Variants in ZNF469 observed in about 807,000 individuals in gnomAD.
The protein encoded by ZNF469 is zinc finger protein 469.
Under a neutral mutation model 1.0 loss-of-function variants are expected in ZNF469, and 1 was observed. The observed-to-expected ratio is 1.00, with a 90% CI of 0.35 to 4.73. The LOEUF (loss-of-function observed/expected upper bound fraction) is 4.73. Ranked by LOEUF, ZNF469 falls within the 30% of genes most tolerant of loss-of-function variation. ZNF469 has a pLI of 0.16. For synonymous variants in ZNF469, 2,703 were observed against 2,363.4 expected (o/e 1.14, Z -4.17); for missense variants, 6,100 against 5,356.3 (o/e 1.14, Z -4.33).
chr16:88,127,582 C>G, the ZNF469 span, among the ~76,000 whole-genome samples: 2 of 152,042 alleles, frequency 1.3e-5, no homozygotes, highest in African/African-American at 4.8e-5. Context: ...TCAGATACGG[C>G]GAAACCATTT....
At chr16:88,176,969 G>C in the ZNF469 span, among the ~76,000 whole-genome samples, 1 of 152,264 alleles carries the variant, frequency 6.6e-6, no homozygotes. Context: ...GTGACCCGTG[G>C]CAGGGAAGCC....
At chr16:88,170,295 G>A in the ZNF469 span, among the ~76,000 whole-genome samples, 2 of 152,160 alleles carry the variant, frequency 1.3e-5, no homozygotes, top group African/African-American at 2.4e-5. This position sits in a 1 kb window ranked among gnomAD's most constrained non-coding sequence, Gnocchi z 4.2. Context: ...TGTGTGTGAT[G>A]AGAATGCTTA....
the ZNF469 span, among the ~76,000 whole-genome samples, chr16:88,351,939 C>T: frequency 1.3e-5 from 2 of 152,168 alleles, no homozygotes; most frequent in Non-Finnish European, 2.9e-5. Flanking sequence ...ACGACGTGTC[C>T]CACGTGAGGA....
At chr16:88,223,403 C>G in the ZNF469 span, among the ~76,000 whole-genome samples, 1 of 152,170 alleles carries the variant, frequency 6.6e-6, no homozygotes, top group African/African-American at 2.4e-5. Context: ...ACCTCTTTTT[C>G]TTTATAAATG....
chr16:88,211,009 G>A, the ZNF469 span, among the ~76,000 whole-genome samples: 3 of 152,246 alleles, frequency 2.0e-5, no homozygotes, highest in Admixed American at 1.3e-4. Flanking sequence ...CGATGCCTTC[G>A]GCCGTTGAGT....
the ZNF469 span, among the ~76,000 whole-genome samples, chr16:88,210,828 G>A: frequency 2.6e-5 from 4 of 152,222 alleles, no homozygotes; most frequent in South Asian, 2.1e-4. Flanking sequence ...GCTTTTTAGT[G>A]TGTTTTAATG....
chr16:88,115,847 C>T, the ZNF469 span, among the ~76,000 whole-genome samples: 1 of 152,186 alleles, frequency 6.6e-6, no homozygotes, highest in Non-Finnish European at 1.5e-5. Flanking sequence ...CCTGGGCACT[C>T]CAGGTATTCC....
chr16:88,418,663 A>G (rs1810256642), intron 1 of ZNF469, among the ~76,000 whole-genome samples: 1 of 151,798 alleles, frequency 6.6e-6, no homozygotes, highest in Non-Finnish European at 1.5e-5. Flanking sequence ...CAGGACGAAC[A>G]CCATTCCCCA....
intron 1 of ZNF469, among the ~76,000 whole-genome samples, chr16:88,402,764 AG>A (rs1567502030): frequency 6.6e-6 from 1 of 152,038 alleles, no homozygotes; most frequent in African/African-American, 2.4e-5. Context: ...CTCCGGTTCC[AG>A]GGCCTCTGAT....
intron 1 of ZNF469, among the ~76,000 whole-genome samples, chr16:88,392,163 A>G (rs1363091679): frequency 6.6e-6 from 1 of 152,286 alleles, no homozygotes; most frequent in Non-Finnish European, 1.5e-5. Flanking sequence ...TGATTGATAC[A>G]AACGTCAGTG....
upstream of ZNF469, among the ~76,000 whole-genome samples, chr16:88,382,188 C>T (rs2092527024): frequency 6.6e-6 from 1 of 152,262 alleles, no homozygotes; most frequent in Admixed American, 6.5e-5. Flanking sequence ...GCCCACACGC[C>T]CCTGTCTGGG....
At position 88,429,426 on chromosome 16, in the gene ZNF469, GC is replaced by G; in HGVS notation, c.1963del (p.His655ThrfsTer77). The G allele has an allele frequency of 6.5e-7, 1 of 1,532,840 alleles. No homozygotes were observed. The highest frequency in any genetic ancestry group is 8.8e-7 in the Non-Finnish European group (1 of 1,132,990). 95.0% of individuals were successfully genotyped at this position (1,532,840 alleles called of 1,614,324 possible). ...CGGGCAGCCCCTTCCCGTCCCCGGA[GC>G]CCCCCCACTCCCTCCCCACCCACTA... ...ETGSPFPSPE[P>X]PHSLPTHYQP... On this transcript the variant is annotated frameshift_variant, in exon 3 of 3. Transcript: ENST00000565624. LOFTEE classifies it low-confidence loss of function (END_TRUNC).
chr16:88,119,128 T>G, the ZNF469 span, among the ~76,000 whole-genome samples: 76 of 152,334 alleles, frequency 5.0e-4, no homozygotes, highest in African/African-American at 1.8e-3. Context: ...AAATAACGTT[T>G]GTCCAGTCCT....
chr16:88,223,896 G>C, the ZNF469 span, among the ~76,000 whole-genome samples: 1 of 152,176 alleles, frequency 6.6e-6, no homozygotes, highest in Non-Finnish European at 1.5e-5. Flanking sequence ...CTCATCTCAC[G>C]CTCAGCACCG....
the ZNF469 span, among the ~76,000 whole-genome samples, chr16:88,160,832 G>A: frequency 2.6e-5 from 4 of 152,204 alleles, no homozygotes; most frequent in South Asian, 2.1e-4. Context: ...GGAACAGTGA[G>A]CAGCACAGGA....
At chr16:88,151,286 C>T in the ZNF469 span, among the ~76,000 whole-genome samples, 6 of 152,238 alleles carry the variant, frequency 3.9e-5, no homozygotes, top group African/African-American at 1.4e-4. This position sits in a 1 kb window ranked among gnomAD's most constrained non-coding sequence, Gnocchi z 5.4. Context: ...ATCACACGGG[C>T]GCGGGCCGTG....
chr16:88,342,969 G>A, the ZNF469 span, among the ~76,000 whole-genome samples: 1 of 152,236 alleles, frequency 6.6e-6, no homozygotes, highest in Admixed American at 6.5e-5. Context: ...GTCCTTCATG[G>A]CCACTGGATG....
chr16:88,315,520 C>A, the ZNF469 span, among the ~76,000 whole-genome samples: 1 of 152,194 alleles, frequency 6.6e-6, no homozygotes, highest in Non-Finnish European at 1.5e-5. Context: ...TCTGTTGGAC[C>A]ATTTTATCGC....
the ZNF469 span, among the ~76,000 whole-genome samples, chr16:88,140,179 A>C: frequency 1.3e-5 from 2 of 152,276 alleles, no homozygotes; most frequent in African/African-American, 4.8e-5. Context: ...GAAGTGGCAG[A>C]ACCGATTTAA....
Sources: gnomAD v4.1 joint callset for allele counts (sites outside exome capture counted in the v4.1 genomes callset) on GRCh38, gnomAD v4.1.1 for gene constraint, Gnocchi (gnomAD v3.1) non-coding constraint, MANE v1.5 for transcripts, NCBI Gene and HGNC (gene_info 2026-07-23, HGNC 2026-07-21) for gene names.